CDKAL1: variants seen among roughly 807,000 people sequenced by gnomAD.
CDKAL1 encodes threonylcarbamoyladenosine tRNA methylthiotransferase.
CDKAL1 carries 32 observed loss-of-function variants against 68.2 expected under a neutral mutation model. The ratio of observed to expected loss-of-function variants is 0.47; its 90% CI spans 0.35 to 0.63. The LOEUF (loss-of-function observed/expected upper bound fraction) is 0.63, where lower values mean the gene tolerates loss of function less well. Among genes scored for constraint, CDKAL1 ranks in the 30% least tolerant of loss-of-function variants. The pLI, the probability that CDKAL1 is intolerant of heterozygous loss-of-function variation, is 0.00. For synonymous variants in CDKAL1, 234 were observed against 244.3 expected (o/e 0.96, Z 0.39); for missense variants, 606 against 696.7 (o/e 0.87, Z 1.47).
chr6:20,781,083 G>A (rs1363587042), intron 7 of CDKAL1, 62 bp from the exon 8 acceptor site: 21 of 1,525,068 alleles, frequency 1.4e-5, no homozygotes, highest in Non-Finnish European at 1.9e-5. Context: ...TTTGTTGAAA[G>A]CGTTAAGTTA....
At chr6:20,961,091 A>T (rs1765033524) in intron 10 of CDKAL1, among the ~76,000 whole-genome samples, 1 of 152,192 alleles carries the variant, frequency 6.6e-6, no homozygotes, top group African/African-American at 2.4e-5. Flanking sequence ...TTGGGCAGTA[A>T]GGAAAAGAGT....
chr6:21,203,095 G>C (rs562386723), intron 15 of CDKAL1, among the ~76,000 whole-genome samples: 1 of 152,134 alleles, frequency 6.6e-6, no homozygotes, highest in African/African-American at 2.4e-5. Flanking sequence ...TGTCACCCAG[G>C]CTGGAGTGCA....
chr6:21,085,478 G>A (rs1772639761), intron 12 of CDKAL1, among the ~76,000 whole-genome samples: 1 of 152,164 alleles, frequency 6.6e-6, no homozygotes, highest in Non-Finnish European at 1.5e-5. Flanking sequence ...ACTGCTGTAA[G>A]AGCTATACAA....
intron 9 of CDKAL1, among the ~76,000 whole-genome samples, chr6:20,924,359 CT>C (rs1379700562): frequency 6.6e-6 from 1 of 151,396 alleles, no homozygotes; most frequent in Non-Finnish European, 1.5e-5. Flanking sequence ...GAGTAAGACC[CT>C]GTCTCTAGAA....
chr6:21,081,896 G>A (rs1470311999), intron 12 of CDKAL1, among the ~76,000 whole-genome samples: 2 of 151,884 alleles, frequency 1.3e-5, no homozygotes, highest in African/African-American at 2.4e-5. Context: ...TTATTTGTTA[G>A]CCTTATTTTT....
intron 5 of CDKAL1, among the ~76,000 whole-genome samples, chr6:20,710,420 A>G (rs967231534): frequency 6.6e-6 from 1 of 152,188 alleles, no homozygotes; most frequent in African/African-American, 2.4e-5. Flanking sequence ...GCAATAGGCT[A>G]CACTATATAG....
rs1298903360 is a variant in CDKAL1, at chr6:21,081,746, A to AT, written c.1236+16529dup. Among the ~76,000 whole-genome samples, 67 of 143,310 alleles carry AT rather than the reference A, an allele frequency of 4.7e-4. 1 individual carries two copies. Among genetic ancestry groups the AT allele is most frequent in the African/African-American group, 5.9e-4 (23 of 39,102 alleles). 94.0% of individuals were successfully genotyped at this position (143,310 alleles called of 152,430 possible). ...GCCACCACACCTGGCTAATTTTTGTATTTTTTTTTTTAGTAAAGATGGGGT... is the reference window on the plus strand; with the variant it reads ...GCCACCACACCTGGCTAATTTTTGTATTTTTTTTTTTTAGTAAAGATGGGGT... On this transcript the variant is annotated intron_variant, in intron 12 of 15. Coordinates refer to ENST00000274695, the MANE Select transcript of CDKAL1 (RefSeq NM_017774.3).
At chr6:21,145,385 G>T (rs867437756) in intron 13 of CDKAL1, among the ~76,000 whole-genome samples, 12 of 151,896 alleles carry the variant, frequency 7.9e-5, no homozygotes, top group South Asian at 2.1e-4. Flanking sequence ...TATGAGAAAA[G>T]ATTTTTTTCC....
intron 13 of CDKAL1, among the ~76,000 whole-genome samples, chr6:21,134,153 G>A (rs1361676605): frequency 6.6e-6 from 1 of 152,060 alleles, no homozygotes; most frequent in African/African-American, 2.4e-5. Flanking sequence ...AAAAAAAGAG[G>A]GGCCAGCAGA....
At chr6:21,149,902 G>A (rs560254899) in intron 13 of CDKAL1, among the ~76,000 whole-genome samples, 1 of 152,186 alleles carries the variant, frequency 6.6e-6, no homozygotes, top group African/African-American at 2.4e-5. Flanking sequence ...CTGGCACCCA[G>A]GCTGGAGTGC....
chr6:20,800,737 C>G (rs62399332), intron 8 of CDKAL1: 1 of 152,438 alleles, frequency 6.6e-6, no homozygotes, highest in Non-Finnish European at 1.5e-5. Flanking sequence ...ATCCTCCCAC[C>G]TCAGCCTCTT....
intron 9 of CDKAL1, among the ~76,000 whole-genome samples, chr6:20,908,975 CAT>C (rs1273277104): frequency 6.6e-6 from 1 of 152,152 alleles, no homozygotes. Context: ...GAGTACCAGA[CAT>C]TAGATCTGTT....
Position 20,580,912 on chromosome 6 carries a change from C to T in CDKAL1, c.286+32207C>T, listed in dbSNP as rs183969128. ...TCAAGCGATTCTCCTGCCTCATCCT[C>T]CTGAGTAACTGGGATTATAGGCATG... On this transcript the variant is annotated intron_variant, in intron 4 of 15. Coordinates refer to ENST00000274695, the MANE Select transcript of CDKAL1 (RefSeq NM_017774.3). Among the ~76,000 whole-genome samples the T allele has an allele frequency of 9.5e-4, 145 of 152,192 alleles. 2 individuals carry two copies. The East Asian group carries it at 0.015, about 16-fold the overall frequency.
At chr6:20,544,796 A>G (rs896243262) in intron 2 of CDKAL1, among the ~76,000 whole-genome samples, 6 of 152,084 alleles carry the variant, frequency 3.9e-5, no homozygotes, top group Non-Finnish European at 7.3e-5. Flanking sequence ...CTCCACTGAC[A>G]CTGCAAAACT....
At chr6:20,968,897 A>G (rs1765456998) in intron 10 of CDKAL1, among the ~76,000 whole-genome samples, 1 of 152,012 alleles carries the variant, frequency 6.6e-6, no homozygotes, top group Non-Finnish European at 1.5e-5. Context: ...AGTAAAGTCT[A>G]ATATCTGGGC....
intron 10 of CDKAL1, among the ~76,000 whole-genome samples, chr6:20,970,684 G>C (rs1765548202): frequency 6.6e-6 from 1 of 152,150 alleles, no homozygotes; most frequent in Admixed American, 6.5e-5. Context: ...GACAGCAAAT[G>C]ATCACTATTA....
chr6:21,163,906 A>G (rs1281260552), intron 13 of CDKAL1, among the ~76,000 whole-genome samples: 1 of 150,358 alleles, frequency 6.7e-6, no homozygotes, highest in Non-Finnish European at 1.5e-5. Flanking sequence ...AGCCAACATC[A>G]CACCATTACA....
chr6:21,227,783 T>C (rs941418870), intron 15 of CDKAL1, among the ~76,000 whole-genome samples: 4 of 152,240 alleles, frequency 2.6e-5, no homozygotes, highest in African/African-American at 9.6e-5. Context: ...AAACTTAACA[T>C]GACCACAAAT....
chr6:20,634,436 A>T (rs988050016), intron 4 of CDKAL1, among the ~76,000 whole-genome samples: 1 of 152,236 alleles, frequency 6.6e-6, no homozygotes, highest in African/African-American at 2.4e-5. Flanking sequence ...GCATATGTAC[A>T]GATTATCTAT....
Sources: allele counts gnomAD v4.1 joint callset (sites outside exome capture counted in the v4.1 genomes callset), GRCh38; gene constraint gnomAD v4.1.1; transcripts MANE v1.5; gene names NCBI Gene and HGNC (gene_info 2026-07-23, HGNC 2026-07-21).